THSD7B: variants seen among roughly 807,000 people sequenced by gnomAD.
The protein encoded by THSD7B is thrombospondin type 1 domain containing 7B, also known as thrombospondin type-1 domain-containing protein 7B.
A neutral mutation model predicts 213.6 loss-of-function variants in THSD7B; 138 were observed. The observed-to-expected ratio is 0.65, with a 90% CI of 0.56 to 0.74. THSD7B has a LOEUF of 0.74. Among genes scored for constraint, THSD7B ranks in the 30% least tolerant of loss-of-function variants. THSD7B has a pLI of 0.00. For missense variants in THSD7B, 1,931 were observed against 1,991.5 expected, an observed-to-expected ratio of 0.97 and a Z score of 0.58; for synonymous variants, 742 against 687.0, an observed-to-expected ratio of 1.08 and a Z score of -1.25.
intron 2 of THSD7B, among the ~76,000 whole-genome samples, chr2:137,055,603 T>C (rs894785677): frequency 6.6e-6 from 1 of 152,198 alleles, no homozygotes. Context: ...TGTCCATTTC[T>C]TGGACTCTTA....
intron 1 of THSD7B, among the ~76,000 whole-genome samples, chr2:136,840,017 G>T (rs1266471986): frequency 6.6e-6 from 1 of 152,132 alleles, no homozygotes; most frequent in Non-Finnish European, 1.5e-5. Context: ...ACCCAGTTTA[G>T]TAAAGGAAAT....
chr2:136,971,399 C>T (rs988082087), intron 2 of THSD7B, among the ~76,000 whole-genome samples: 1 of 151,976 alleles, frequency 6.6e-6, no homozygotes, highest in Admixed American at 6.6e-5. Context: ...TACACAGTCA[C>T]TCATGATATG....
At chr2:137,029,891 G>T (rs1203870226) in intron 2 of THSD7B, among the ~76,000 whole-genome samples, 1 of 152,166 alleles carries the variant, frequency 6.6e-6, no homozygotes, top group Non-Finnish European at 1.5e-5. Flanking sequence ...TAACTCTGAG[G>T]AGCTGGTTGC....
intron 3 of THSD7B, among the ~76,000 whole-genome samples, chr2:137,070,283 C>T (rs1032301489): frequency 6.6e-6 from 1 of 151,606 alleles, no homozygotes; most frequent in Non-Finnish European, 1.5e-5. Context: ...AGGTCTTTTT[C>T]ATTCTTTTTT....
At position 137,087,963 on chromosome 2, in the gene THSD7B, G is replaced by A. The variant is rs78171978; in HGVS notation, c.951-6910G>A. Among the ~76,000 whole-genome samples the A allele has an allele frequency of 3.3e-3, 506 of 152,206 alleles. 7 individuals are homozygous for A. In the East Asian group the frequency reaches 0.042, roughly 13 times the overall value. The stretch of plus-strand genomic sequence containing the variant: ...TGGTATAAAATAGGTACACAGGCCA[G>A]GCATGGTGGCTCACGCTTGTAATCC... On this transcript the variant is annotated intron_variant, in intron 3 of 27. Transcript: ENST00000409968.
intron 15 of THSD7B, among the ~76,000 whole-genome samples, chr2:137,544,580 G>A (rs1366030119): frequency 1.3e-5 from 2 of 151,758 alleles, no homozygotes; most frequent in Non-Finnish European, 2.9e-5. Flanking sequence ...GTAAGTACAA[G>A]AGATTTAGTT....
In THSD7B at chr2:137,008,676, A is replaced by G. The variant is rs150533507; in HGVS notation, c.140-47744A>G. ...TATTTTCTATAAGAGCTTATCTTAT[A>G]GATACTCTTATATTTGCATGGGCAT... On this transcript the variant is annotated intron_variant, in intron 2 of 27. Coordinates refer to ENST00000409968, the MANE Select transcript of THSD7B (RefSeq NM_001316349.2). Among the ~76,000 whole-genome samples, 12 of 152,290 alleles carry G rather than the reference A, an allele frequency of 7.9e-5. No individual in the cohort carries two copies. The East Asian group carries it at 1.7e-3, about 22-fold the overall frequency.
chr2:137,663,934 C>T (rs1023025043), intron 26 of THSD7B, among the ~76,000 whole-genome samples: 7 of 151,474 alleles, frequency 4.6e-5, no homozygotes, highest in African/African-American at 1.5e-4. Context: ...TTACTGCGAC[C>T]TCCACCTCCC....
intron 10 of THSD7B, among the ~76,000 whole-genome samples, chr2:137,249,202 G>C (rs1682113299): frequency 2.0e-5 from 3 of 151,950 alleles, no homozygotes; most frequent in Admixed American, 2.0e-4. Context: ...GGGGGAAAAA[G>C]TTCATGGATA....
At chr2:137,047,813 G>T (rs1573788218) in intron 2 of THSD7B, among the ~76,000 whole-genome samples, 1 of 152,206 alleles carries the variant, frequency 6.6e-6, no homozygotes, top group African/African-American at 2.4e-5. Flanking sequence ...TGTGCATAGG[G>T]CAAAGGAGTA....
intron 15 of THSD7B, among the ~76,000 whole-genome samples, chr2:137,539,237 T>C (rs1010891716): frequency 6.6e-5 from 10 of 151,682 alleles, no homozygotes; most frequent in African/African-American, 2.4e-4. Context: ...GGCCAAGTGC[T>C]AAGTGTAGCT....
rs1682071450 is a variant in THSD7B, at chr2:137,247,702, C to T, written c.2266+5130C>T. The stretch of plus-strand genomic sequence containing the variant: ...GCTGCTGGGAATTGGTAGGAAACCT[C>T]ATTTGGTGGAATTCATTTCCTCCTG... On this transcript the variant is annotated intron_variant, in intron 10 of 27. Transcript: ENST00000409968. Among the ~76,000 whole-genome samples the T allele has an allele frequency of 2.0e-5, 3 of 152,176 alleles. No individual in the cohort carries two copies. The South Asian group carries it at 6.2e-4, about 32-fold the overall frequency.
intron 1 of THSD7B, among the ~76,000 whole-genome samples, chr2:136,864,699 C>T (rs192399145): frequency 6.6e-6 from 1 of 152,146 alleles, no homozygotes. Flanking sequence ...ACCACAGGCT[C>T]CAGCCACCAT....
intron 17 of THSD7B, among the ~76,000 whole-genome samples, chr2:137,600,868 C>T (rs1445781451): frequency 1.3e-5 from 2 of 152,168 alleles, no homozygotes; most frequent in Non-Finnish European, 2.9e-5. Flanking sequence ...CCCTGAAGAC[C>T]TTCTAGTAGG....
intron 15 of THSD7B, among the ~76,000 whole-genome samples, chr2:137,474,964 A>T (rs544370338): frequency 1.3e-5 from 2 of 152,206 alleles, no homozygotes; most frequent in South Asian, 4.1e-4. Context: ...GCTTTTTGTA[A>T]ATCTGTCCAA....
chr2:137,043,976 A>G (rs1351981212), intron 2 of THSD7B, among the ~76,000 whole-genome samples: 1 of 152,152 alleles, frequency 6.6e-6, no homozygotes, highest in Non-Finnish European at 1.5e-5. Context: ...CTTCAGAACA[A>G]TAATCTCACT....
At chr2:137,065,478 G>A (rs1345801054) in intron 3 of THSD7B, among the ~76,000 whole-genome samples, 1 of 151,744 alleles carries the variant, frequency 6.6e-6, no homozygotes, top group African/African-American at 2.4e-5. Context: ...TTCCAGTTCG[G>A]TTGTCCTTTA....
chr2:137,230,549 C>T (rs775307690), intron 7 of THSD7B, among the ~76,000 whole-genome samples: 1 of 152,044 alleles, frequency 6.6e-6, no homozygotes, highest in Non-Finnish European at 1.5e-5. Context: ...AGATAATTTA[C>T]CACTATGAAA....
chr2:137,562,736 G>A (rs1395907830), intron 15 of THSD7B, among the ~76,000 whole-genome samples: 1 of 151,828 alleles, frequency 6.6e-6, no homozygotes, highest in Admixed American at 6.6e-5. Flanking sequence ...TGATCATTTG[G>A]GGGCATAAAA....
Sources: gnomAD v4.1 joint callset for allele counts (sites outside exome capture counted in the v4.1 genomes callset) on GRCh38, gnomAD v4.1.1 for gene constraint, MANE v1.5 for transcripts, NCBI Gene and HGNC (gene_info 2026-07-23, HGNC 2026-07-21) for gene names.